The following TBC1D16 variants were observed in gnomAD, a reference collection of about 807,000 sequenced individuals.
TBC1D16 encodes the protein CTD-2529O21.1.
TBC1D16 carries 58 observed loss-of-function variants against 74.7 expected under a neutral mutation model. That is an observed-to-expected ratio of 0.78 (90% confidence interval 0.63 to 0.97). The LOEUF (loss-of-function observed/expected upper bound fraction) is 0.97. TBC1D16 is among the 50% of genes least tolerant of loss of function. The probability of loss-of-function intolerance (pLI) is 0.00; values close to 1 mark genes in which losing one functional copy is unlikely to be tolerated. For missense variants in TBC1D16, 1,014 were observed against 1,079.5 expected (o/e 0.94, Z 0.85); for synonymous variants, 493 against 474.7 (o/e 1.04, Z -0.50).
chr17:80,031,850 G>A (rs1212980254), intron 1 of TBC1D16, among the ~76,000 whole-genome samples: 2 of 152,192 alleles, frequency 1.3e-5, no homozygotes, highest in Non-Finnish European at 2.9e-5. Context: ...CTACTTCTAT[G>A]CTGTGCCTGT....
chr17:79,959,565 C>T (rs573116977), intron 3 of TBC1D16, among the ~76,000 whole-genome samples: 5 of 152,194 alleles, frequency 3.3e-5, no homozygotes, highest in Admixed American at 2.6e-4. Flanking sequence ...ATAACAGAGT[C>T]CAAAAATATC....
In TBC1D16 at chr17:79,983,363, G is replaced by T. The variant is rs1210324259; in HGVS notation, c.779+26797C>A. ...TTGCAGGGCCCAGGGGCCCCTCGGA[G>T]GGGCTCCTGTCCCTCTGCACCAAAG... On this transcript the variant is annotated intron_variant, in intron 3 of 11. Transcript: ENST00000310924. The surrounding 1 kb of genome is among the most constrained non-coding windows in gnomAD (Gnocchi z 5.6). Among the ~76,000 whole-genome samples, 1 of 152,216 alleles carries T rather than the reference G, an allele frequency of 6.6e-6. No homozygotes were observed. The highest frequency in any genetic ancestry group is 1.5e-5 in the Non-Finnish European group (1 of 68,038).
Position 79,947,704 on chromosome 17 carries a change from A to C in TBC1D16, c.1669T>G (p.Leu557Val). Residue 557 changes from leucine (L) to valine (V), a missense_variant, in exon 9 of 12, where the codon TTG (leucine) becomes GTG (valine). By Grantham distance (32) the Leu-to-Val change is conservative (BLOSUM62 1). Transcript: ENST00000310924. ...ESDTFWCFVG[L>V]MQNTIFVSSP... ...CTGACGAAGATCGTGTTCTGCATCA[A>C]ACCCACAAAGCACCAGAAGGTGTCT... 4 of 1,614,080 alleles carry C rather than the reference A, an allele frequency of 2.5e-6. No individual in the cohort carries two copies. Among genetic ancestry groups the C allele is most frequent in the Non-Finnish European group, 3.4e-6 (4 of 1,180,018 alleles).
rs1427532643 is a variant in TBC1D16 at position 79,979,773 on chromosome 17, C to T, written c.780-26955G>A. ...TCTCCCTTCACATCCACCAAAAGCT[C>T]ACCCTGACTAGAGAACCAAGCAGAG... On this transcript the variant is annotated intron_variant, in intron 3 of 11. Coordinates refer to ENST00000310924, the MANE Select transcript of TBC1D16 (RefSeq NM_019020.4). The surrounding 1 kb of genome is among the most constrained non-coding windows in gnomAD (Gnocchi z 4.8). Among the ~76,000 whole-genome samples the T allele has an allele frequency of 6.6e-6, 1 of 151,852 alleles. No homozygotes were observed. The highest frequency in any genetic ancestry group is 6.6e-5 in the Admixed American group (1 of 15,234).
Position 79,933,845 on chromosome 17 carries a change from G to T in TBC1D16, c.*7014C>A. 6.6e-6 allele frequency: 1 copy of T among 152,394 alleles called. No homozygotes were observed. Among genetic ancestry groups the T allele is most frequent in the Non-Finnish European group, 1.5e-5 (1 of 68,072 alleles). 9.4% of individuals were successfully genotyped at this position (152,394 alleles called of 1,614,324 possible). On this transcript the variant is annotated 3_prime_UTR_variant, in exon 12 of 12. Coordinates refer to ENST00000310924, the MANE Select transcript of TBC1D16 (RefSeq NM_019020.4). ...TGCGCTCCTGCCTTGCTTCCCTAGAGCGAGCCCACGGTACCATAGTCCTCG... is the reference window on the plus strand; with the variant it reads ...TGCGCTCCTGCCTTGCTTCCCTAGATCGAGCCCACGGTACCATAGTCCTCG...
chr17:80,030,129 C>A (rs143875780), intron 1 of TBC1D16, among the ~76,000 whole-genome samples: 1 of 152,110 alleles, frequency 6.6e-6, no homozygotes, highest in Non-Finnish European at 1.5e-5. Flanking sequence ...AACTTGAATC[C>A]GTGGCCACGT....
chr17:80,025,296 G>A (rs2036537239), intron 1 of TBC1D16, among the ~76,000 whole-genome samples: 1 of 149,036 alleles, frequency 6.7e-6, no homozygotes, highest in African/African-American at 2.6e-5. Context: ...GGCTGCCTGG[G>A]CCCCACTCCT....
In TBC1D16 at chr17:79,942,053, G is replaced by C. The variant is rs1421763249; in HGVS notation, c.2055+7C>G. On this transcript the variant is annotated splice_region_variant and intron_variant, in intron 11 of 11. Transcript: ENST00000310924. ...CGGGGTGGGGCCCACATCTGGGGCA[G>C]CCTCACCTTCCGGAGAACGAGCTCC... 2 of 1,607,482 alleles carry C rather than the reference G, an allele frequency of 1.2e-6. No individual in the cohort carries two copies. The highest frequency in any genetic ancestry group is 1.3e-5 in the African/African-American group (1 of 74,796).
At position 80,010,482 on chromosome 17, in the gene TBC1D16, G is replaced by A; in HGVS notation, c.457C>T (p.Leu153Phe). The A allele has an allele frequency of 6.2e-7, 1 of 1,610,598 alleles. No individual in the cohort carries two copies. Among genetic ancestry groups the A allele is most frequent in the Admixed American group, 1.7e-5 (1 of 59,466 alleles). ...VVAQSVPDRM[L>F]ASPAPEDEEK... is the part of the protein sequence containing the mutation. ...TCATCCTCTGGCGCAGGGCTGGCGAGCATGCGGTCTGGAACACTCTGGGCC... is the reference window on the plus strand; with the variant it reads ...TCATCCTCTGGCGCAGGGCTGGCGAACATGCGGTCTGGAACACTCTGGGCC... The change falls in exon 3 of 12, where the codon CTC (leucine) becomes TTC (phenylalanine). Residue 153 changes from leucine to phenylalanine, a missense_variant. Leu to Phe is a conservative substitution (Grantham distance 22). Transcript: ENST00000310924. The surrounding 1 kb of genome is among the most constrained non-coding windows in gnomAD (Gnocchi z 8.8).
chr17:79,996,986 C>T (rs534161464), intron 3 of TBC1D16, among the ~76,000 whole-genome samples: 1 of 152,144 alleles, frequency 6.6e-6, no homozygotes, highest in Non-Finnish European at 1.5e-5. Flanking sequence ...CACAGGACAG[C>T]TTGGATAGAG....
rs868532579 is a variant in TBC1D16 at position 79,944,758 on chromosome 17, G to A, written c.1908+150C>T. On this transcript the variant is annotated intron_variant, in intron 10 of 11. Transcript: ENST00000310924. The surrounding 1 kb of genome is among the most constrained non-coding windows in gnomAD (Gnocchi z 7.7). The stretch of plus-strand genomic sequence containing the variant: ...AGCTGTAAGGTCTGAAGCCAGCCAC[G>A]TGGGACGGGAAGGCAGTCGCCGTAT... 3.9e-5 allele frequency: 28 copies of A among 721,686 alleles called. No homozygotes were observed. The Middle Eastern group carries it at 1.2e-3, about 31-fold the overall frequency. The allele number at this position is 721,686 out of a possible 1,614,324, so 44.7% of individuals were successfully genotyped here.
rs2065513422 is a variant in TBC1D16 at position 79,944,818 on chromosome 17, C to T, written c.1908+90G>A. ...ATGTGTGGCTGTGGGTGGGGGGCGG[C>T]GAGGCGGACAGGGGCAGCAGGCAGG... is the stretch of plus-strand genomic sequence containing the variant. On this transcript the variant is annotated intron_variant, in intron 10 of 11. Coordinates refer to ENST00000310924, the MANE Select transcript of TBC1D16 (RefSeq NM_019020.4). This position sits in a 1 kb window ranked among gnomAD's most constrained non-coding sequence, Gnocchi z 7.7. 5.7e-6 allele frequency: 7 copies of T among 1,222,412 alleles called. No homozygotes were observed. Among genetic ancestry groups the T allele is most frequent in the Admixed American group, 2.7e-5 (1 of 36,974 alleles). The allele number at this position is 1,222,412 out of a possible 1,614,324, so 75.7% of individuals were successfully genotyped here.
chr17:80,024,556 C>CCCCACACCACACACCATAGGCA (rs2036456172), intron 1 of TBC1D16, among the ~76,000 whole-genome samples: 1 of 131,274 alleles, frequency 7.6e-6, no homozygotes, highest in African/African-American at 2.9e-5. Flanking sequence ...TACACACACA[C>CCCCACACCACACACCATAGGCA]CACACACGAC....
intron 3 of TBC1D16, among the ~76,000 whole-genome samples, chr17:79,999,787 G>A (rs964199927): frequency 2.6e-5 from 4 of 151,872 alleles, no homozygotes; most frequent in Admixed American, 1.3e-4. Context: ...CAGGTGATCC[G>A]CCCGCCTTGG....
intron 2 of TBC1D16, among the ~76,000 whole-genome samples, chr17:80,012,015 G>A (rs1314808928): frequency 6.6e-6 from 1 of 152,120 alleles, no homozygotes; most frequent in Non-Finnish European, 1.5e-5. Flanking sequence ...GAGCAAGTGG[G>A]TGGGTGCTCA....
intron 3 of TBC1D16, among the ~76,000 whole-genome samples, chr17:79,973,362 CAGG>C (rs2034193520): frequency 6.6e-6 from 1 of 151,720 alleles, no homozygotes; most frequent in African/African-American, 2.4e-5. Flanking sequence ...CACTTGAGCC[CAGG>C]AGTTCAAAAC....
intron 1 of TBC1D16, among the ~76,000 whole-genome samples, chr17:80,033,579 CCT>C (rs1430626025): frequency 2.0e-5 from 3 of 152,064 alleles, no homozygotes; most frequent in African/African-American, 7.2e-5. Context: ...CTCTAGGTTG[CCT>C]AAGGTGGTCT....
Position 79,941,023 on chromosome 17 carries a change from T to C in TBC1D16, c.2140A>G (p.Met714Val), listed in dbSNP as rs141610881. The change falls in exon 12 of 12, where the codon ATG (methionine) becomes GTG (valine). Residue 714 changes from methionine to valine, a missense_variant. Transcript: ENST00000310924. The surrounding 1 kb of genome is among the most constrained non-coding windows in gnomAD (Gnocchi z 4.3). Reference sequence around the variant, plus strand: ...GCGGGCATGGAGCCGCTGTCCCACATGCCTGACCCGCACAGCTTACACAGA... The same window carrying C: ...GCGGGCATGGAGCCGCTGTCCCACACGCCTGACCCGCACAGCTTACACAGA... ...HDLCKLCGSG[M>V]WDSGSMPAVE... is the part of the protein sequence containing the mutation. 13 of 1,608,014 alleles carry C rather than the reference T, an allele frequency of 8.1e-6. No homozygotes were observed. Among genetic ancestry groups the C allele is most frequent in the Non-Finnish European group, 1.1e-5 (13 of 1,178,078 alleles).
At chr17:79,977,406 C>T (rs762001048) in intron 3 of TBC1D16, among the ~76,000 whole-genome samples, 76 of 152,358 alleles carry the variant, frequency 5.0e-4, no homozygotes, top group Non-Finnish European at 8.1e-4. Context: ...CCTTCCCTGA[C>T]GCCTCATCCC....
Sources: gnomAD v4.1 joint callset for allele counts (sites outside exome capture counted in the v4.1 genomes callset) on GRCh38, gnomAD v4.1.1 for gene constraint, Gnocchi (gnomAD v3.1) non-coding constraint, MANE v1.5 for transcripts, NCBI Gene and HGNC (gene_info 2026-07-23, HGNC 2026-07-21) for gene names.